The following PPHLN1 variants were observed in gnomAD, a reference collection of about 807,000 sequenced individuals.
PPHLN1 encodes periphilin 1.
Under a neutral mutation model 51.3 loss-of-function variants are expected in PPHLN1, and 29 were observed. The ratio of observed to expected loss-of-function variants is 0.57; its 90% CI spans 0.42 to 0.77. The LOEUF is 0.77. Ranked by LOEUF, PPHLN1 falls within the 30% of genes least tolerant of loss-of-function variation. PPHLN1 has a pLI of 0.00. For missense variants in PPHLN1, 436 were observed against 438.4 expected (o/e 0.99, Z 0.05); for synonymous variants, 147 against 147.8 (o/e 0.99, Z 0.04).
intron 9 of PPHLN1, among the ~76,000 whole-genome samples, chr12:42,425,967 C>T (rs948391069): frequency 6.6e-6 from 1 of 152,194 alleles, no homozygotes; most frequent in African/African-American, 2.4e-5. Context: ...TGTCCCATTT[C>T]AACCATAAAA....
At chr12:42,371,563 A>G (rs1341954123) in intron 4 of PPHLN1, among the ~76,000 whole-genome samples, 3 of 152,152 alleles carry the variant, frequency 2.0e-5, no homozygotes, top group Non-Finnish European at 2.9e-5. Context: ...TCTTGTTCAC[A>G]TAGTACTTTA....
intron 3 of PPHLN1, 73 bp downstream of exon 3, chr12:42,352,122 G>A (rs2073440635): frequency 7.8e-7 from 1 of 1,286,946 alleles, no homozygotes; most frequent in Admixed American, 3.2e-5. Flanking sequence ...AAAAATTTAT[G>A]TGACGGCCGT....
intron 4 of PPHLN1, among the ~76,000 whole-genome samples, chr12:42,370,121 AGT>A (rs1272233134): frequency 2.6e-5 from 4 of 152,214 alleles, no homozygotes; most frequent in Admixed American, 2.6e-4. Flanking sequence ...CTTACATGCT[AGT>A]GAGCTTCTTT....
At chr12:42,367,392 G>T (rs2138604552) in intron 4 of PPHLN1, among the ~76,000 whole-genome samples, 1 of 151,378 alleles carries the variant, frequency 6.6e-6, no homozygotes, top group African/African-American at 2.4e-5. Context: ...GATAAATCAG[G>T]TAAAAATGAA....
rs371240033 is a variant in PPHLN1 at position 42,398,711 on chromosome 12, G to C, written c.769-143G>C. ...ATTTCACATATGCTCATTATGCATAGTGAAATGGAGAGAGTTTTCTTTTCT... is the reference window on the plus strand; with the variant it reads ...ATTTCACATATGCTCATTATGCATACTGAAATGGAGAGAGTTTTCTTTTCT... On this transcript the variant is annotated intron_variant, in intron 8 of 9. Coordinates refer to ENST00000358314, the MANE Select transcript of PPHLN1 (RefSeq NM_201439.2). 563 of 641,008 alleles carry C rather than the reference G, an allele frequency of 8.8e-4. 9 individuals carry two copies. The South Asian group carries it at 0.019, about 22-fold the overall frequency. The allele number at this position is 641,008 out of a possible 1,614,324, so 39.7% of individuals were successfully genotyped here.
At chr12:42,376,045 T>C (rs890451719) in intron 5 of PPHLN1, among the ~76,000 whole-genome samples, 4 of 152,232 alleles carry the variant, frequency 2.6e-5, no homozygotes, top group Non-Finnish European at 5.9e-5. Flanking sequence ...TGAGTTGACA[T>C]GAGCATGTCA....
At chr12:42,441,287 G>A in intron 9 of PPHLN1, 28 bp from the exon 10 acceptor site, 1 of 1,573,978 alleles carries the variant, frequency 6.4e-7, no homozygotes, top group Admixed American at 1.8e-5. Context: ...TTCATTCTCA[G>A]CTAACCAGAA....
chr12:42,361,875 A>G (rs2138466885), intron 4 of PPHLN1, among the ~76,000 whole-genome samples: 1 of 151,558 alleles, frequency 6.6e-6, no homozygotes, highest in African/African-American at 2.4e-5. Flanking sequence ...CCGTGTTTTC[A>G]GTTTTTTGGG....
At chr12:42,356,823 T>A (rs566721943) in intron 4 of PPHLN1, among the ~76,000 whole-genome samples, 1 of 152,242 alleles carries the variant, frequency 6.6e-6, no homozygotes, top group Non-Finnish European at 1.5e-5. Flanking sequence ...CTGCTTCCAC[T>A]CAACATGGTA....
intron 5 of PPHLN1, among the ~76,000 whole-genome samples, chr12:42,376,703 G>C (rs1243566965): frequency 1.3e-5 from 2 of 152,134 alleles, no homozygotes; most frequent in Admixed American, 6.5e-5. Context: ...AGGTAGGATT[G>C]CTTGAGCCCA....
intron 4 of PPHLN1, among the ~76,000 whole-genome samples, chr12:42,365,493 G>T (rs1018177122): frequency 3.9e-5 from 6 of 152,072 alleles, no homozygotes; most frequent in African/African-American, 1.4e-4. Flanking sequence ...GACACTGAGG[G>T]TTCTATCACC....
At chr12:42,352,541 C>T (rs2073501753) in intron 3 of PPHLN1, among the ~76,000 whole-genome samples, 1 of 151,624 alleles carries the variant, frequency 6.6e-6, no homozygotes, top group African/African-American at 2.4e-5. Flanking sequence ...TCCCAAGTAG[C>T]TGGGATTACA....
chr12:42,371,525 A>G (rs977409564), intron 4 of PPHLN1, among the ~76,000 whole-genome samples: 3 of 152,024 alleles, frequency 2.0e-5, no homozygotes, highest in East Asian at 1.9e-4. Flanking sequence ...CTGCTTTTTT[A>G]AGGTCTTACT....
At chr12:42,444,517 C>T (rs1566056860), downstream of PPHLN1, 1 of 151,676 alleles carries the variant, frequency 6.6e-6, no homozygotes. Context: ...GGACAGATGG[C>T]CCCAGGGCTG....
At chr12:42,361,673 T>C (rs2074704224) in intron 4 of PPHLN1, 1 of 152,236 alleles carries the variant, frequency 6.6e-6, no homozygotes, top group Non-Finnish European at 1.5e-5. Flanking sequence ...TGACAATATA[T>C]GTAACATAAT....
chr12:42,327,472 C>T (rs2068977249), intron 1 of PPHLN1, among the ~76,000 whole-genome samples: 2 of 152,218 alleles, frequency 1.3e-5, no homozygotes, highest in Non-Finnish European at 2.9e-5. Context: ...AGTATCTTCA[C>T]AAAGGCTCTT....
chr12:42,374,936 A>C lies in PPHLN1; in HGVS notation c.373A>C (p.Arg125=). Residue 125 remains arginine (R), a synonymous_variant, in exon 5 of 10, where the codon AGG becomes CGG. Coordinates refer to ENST00000358314, the MANE Select transcript of PPHLN1 (RefSeq NM_201439.2). ...TGCGAGAGAGCGGTCTCCTTATAAA[A>C]GGGACAATACTTTTTTCAGAGAATC... ...HYARERSPYK[R]DNTFFRESPV... 1.9e-6 allele frequency: 3 copies of C among 1,613,982 alleles called. No homozygotes were observed. Among genetic ancestry groups the C allele is most frequent in the Non-Finnish European group, 2.5e-6 (3 of 1,179,946 alleles).
Position 42,425,175 on chromosome 12 carries a change from G to A in PPHLN1, c.910-16140G>A, listed in dbSNP as rs186190233. On this transcript the variant is annotated intron_variant, in intron 9 of 9. Transcript: ENST00000358314. Reference sequence around the variant, plus strand: ...GGCTCACTGCAACCTCCCCCTCCCAGTTCAAGCAATTCTCCCACCTCAGCC... The same window carrying A: ...GGCTCACTGCAACCTCCCCCTCCCAATTCAAGCAATTCTCCCACCTCAGCC... Among the ~76,000 whole-genome samples, 913 of 151,284 alleles carry A rather than the reference G, an allele frequency of 6.0e-3. 35 individuals carry two copies. In the East Asian group the frequency reaches 0.085, roughly 14 times the overall value.
rs117607694 is a variant in PPHLN1, at chr12:42,417,111, A to G, written c.909+18117A>G. ...TTGGTAGAGTCTGAAATGCAGAAGAATAAGTGCATGAGAGTTTGTGGCAGG... is the reference window on the plus strand; with the variant it reads ...TTGGTAGAGTCTGAAATGCAGAAGAGTAAGTGCATGAGAGTTTGTGGCAGG... On this transcript the variant is annotated intron_variant, in intron 9 of 9. Transcript: ENST00000358314. Among the ~76,000 whole-genome samples the G allele has an allele frequency of 8.1e-4, 124 of 152,342 alleles. 2 individuals carry two copies. The highest frequency in any genetic ancestry group is 1.5e-3 in the Non-Finnish European group (104 of 68,038).
Sources: allele counts gnomAD v4.1 joint callset (sites outside exome capture counted in the v4.1 genomes callset), GRCh38; gene constraint gnomAD v4.1.1; transcripts MANE v1.5; gene names NCBI Gene and HGNC (gene_info 2026-07-23, HGNC 2026-07-21).